The following NDUFS1 variants were observed in gnomAD, a reference collection of about 807,000 sequenced individuals.
The protein encoded by NDUFS1 is NADH-ubiquinone oxidoreductase 75 kDa subunit, mitochondrial.
In NDUFS1, 61 loss-of-function variants were observed where a neutral mutation model predicts 84.4. The ratio of observed to expected loss-of-function variants is 0.72; its 90% confidence interval spans 0.59 to 0.89. The LOEUF (loss-of-function observed/expected upper bound fraction) is 0.89. Ranked by LOEUF, NDUFS1 falls within the 40% of genes least tolerant of loss-of-function variation. The pLI, the probability that NDUFS1 is intolerant of heterozygous loss-of-function variation, is 0.00. For missense variants in NDUFS1, 891 were observed against 890.0 expected (o/e 1.00, Z -0.01); for synonymous variants, 275 against 290.0 (o/e 0.95, Z 0.53).
rs200446477 is a variant in NDUFS1, at chr2:206,124,091, AT to A, written c.*93del. 3.0e-4 allele frequency: 242 copies of A among 798,872 alleles called. No individual in the cohort carries two copies. Among genetic ancestry groups the A allele is most frequent in the Non-Finnish European group, 3.5e-4 (168 of 473,642 alleles). 49.5% of individuals were successfully genotyped at this position (798,872 alleles called of 1,614,324 possible). ...ATATTACATGATTCAAATTATTATT[AT>A]TTTTTTTTACAAAGAAATAAACCTG... On this transcript the variant is annotated 3_prime_UTR_variant, in exon 19 of 19. Coordinates refer to ENST00000233190, the MANE Select transcript of NDUFS1 (RefSeq NM_005006.7).
At chr2:206,134,648 C>G (rs1390100710) in intron 13 of NDUFS1, among the ~76,000 whole-genome samples, 3 of 151,552 alleles carry the variant, frequency 2.0e-5, no homozygotes, top group Non-Finnish European at 4.4e-5. Flanking sequence ...AGACAGGGTA[C>G]AGGATACAAA....
chr2:206,159,029 G>A lies in NDUFS1; in HGVS notation c.-5+312C>T, dbSNP rs528977831. ...TGGTCCTCTCCCGGGGAATAAAACGGCCTCCTCCTCTGAGAGGGAAATGTC... is the reference window on the plus strand; with the variant it reads ...TGGTCCTCTCCCGGGGAATAAAACGACCTCCTCCTCTGAGAGGGAAATGTC... On this transcript the variant is annotated intron_variant, in intron 1 of 18. Transcript: ENST00000233190. The A allele has an allele frequency of 5.1e-5, 76 of 1,503,732 alleles. No homozygotes were observed. The East Asian group carries it at 1.1e-3, about 22-fold the overall frequency. The allele number at this position is 1,503,732 out of a possible 1,614,324, so 93.1% of individuals were successfully genotyped here. A position where few individuals can be genotyped will look rare whatever the true frequency, so the allele number is the denominator to read the frequency against.
chr2:206,119,807 A>G lies in NDUFS1; in HGVS notation c.*4378T>C, dbSNP rs1691046229. The G allele has an allele frequency of 6.6e-6, 1 of 151,924 alleles. No individual in the cohort carries two copies. The highest frequency in any genetic ancestry group is 1.5e-5 in the Non-Finnish European group (1 of 68,004). 9.4% of individuals were successfully genotyped at this position (151,924 alleles called of 1,614,324 possible). On this transcript the variant is annotated 3_prime_UTR_variant, in exon 19 of 19. Transcript: ENST00000233190. ...CATATGGAATTCAAGATATTTTTGGATATATATTCAACTTTTTTTTTTAAG... is the reference window on the plus strand; with the variant it reads ...CATATGGAATTCAAGATATTTTTGGGTATATATTCAACTTTTTTTTTTAAG...
chr2:206,116,456 G>A lies in NDUFS1; in HGVS notation c.*7729C>T. On this transcript the variant is annotated 3_prime_UTR_variant, in exon 19 of 19. Transcript: ENST00000233190. Reference sequence around the variant, plus strand: ...CGGCAGGTGCCAGGACCACGTGCAGGCTGCAGAGCACGGCCCGCACGCTCC... The same window carrying A: ...CGGCAGGTGCCAGGACCACGTGCAGACTGCAGAGCACGGCCCGCACGCTCC... The A allele has an allele frequency of 2.9e-6, 3 of 1,041,148 alleles. No homozygotes were observed. Among genetic ancestry groups the A allele is most frequent in the Non-Finnish European group, 4.3e-6 (3 of 693,750 alleles). 64.5% of individuals were successfully genotyped at this position (1,041,148 alleles called of 1,614,324 possible).
At chr2:206,142,180 T>C (rs1392955548) in intron 11 of NDUFS1, 111 bp from the exon 12 acceptor site, 1 of 889,700 alleles carries the variant, frequency 1.1e-6, no homozygotes, top group East Asian at 2.7e-5. Flanking sequence ...CAAAAAATTT[T>C]ATGAAGTATT....
At chr2:206,159,257 C>T in intron 1 of NDUFS1, 84 bp downstream of exon 1, 1 of 928,696 alleles carries the variant, frequency 1.1e-6, no homozygotes, top group South Asian at 1.4e-5. Context: ...AAGACTACGT[C>T]GCGTGGGCCA....
chr2:206,128,105 G>A (rs1691363859), intron 15 of NDUFS1, 133 bp from the exon 16 acceptor site: 3 of 910,298 alleles, frequency 3.3e-6, no homozygotes, highest in Admixed American at 4.4e-5. Context: ...AAATGAAACA[G>A]TAGTGAAGTA....
Position 206,124,059 on chromosome 2 carries a change from A to C in NDUFS1, c.*126T>G. 1 of 713,038 alleles carries C rather than the reference A, an allele frequency of 1.4e-6. No individual in the cohort carries two copies. The highest frequency in any genetic ancestry group is 2.4e-6 in the Non-Finnish European group (1 of 411,384). The allele number at this position is 713,038 out of a possible 1,614,324, so 44.2% of individuals were successfully genotyped here. A position where few individuals can be genotyped will look rare whatever the true frequency, so the allele number is the denominator to read the frequency against. On this transcript the variant is annotated 3_prime_UTR_variant, in exon 19 of 19. Transcript: ENST00000233190. The stretch of plus-strand genomic sequence containing the variant: ...ATCATTTTCAAATAGGCATAGTATA[A>C]CCTTAAATATTACATGATTCAAATT...
intron 18 of NDUFS1, 143 bp downstream of exon 18, chr2:206,126,396 C>A (rs1036623143): frequency 1.2e-6 from 1 of 807,566 alleles, no homozygotes; most frequent in Non-Finnish European, 2.1e-6. Flanking sequence ...AATATGCTTA[C>A]GTTAGTTCCA....
intron 12 of NDUFS1, among the ~76,000 whole-genome samples, chr2:206,139,113 C>T (rs1691834589): frequency 6.7e-6 from 1 of 149,804 alleles, no homozygotes; most frequent in South Asian, 2.1e-4. Context: ...CAAAACTCCA[C>T]CTCAAAATAA....
chr2:206,124,365 A>G (rs1318648388), intron 18 of NDUFS1, 89 bp from the exon 19 acceptor site: 11 of 982,198 alleles, frequency 1.1e-5, no homozygotes, highest in Non-Finnish European at 1.8e-5. Flanking sequence ...ATTCAGGAGG[A>G]AAAAAGATTA....
Position 206,127,810 on chromosome 2 carries a change from C to T in NDUFS1, c.1871G>A (p.Arg624Lys). 1 of 1,614,052 alleles carries T rather than the reference C, an allele frequency of 6.2e-7. No homozygotes were observed. The highest frequency in any genetic ancestry group is 8.5e-7 in the Non-Finnish European group (1 of 1,179,980). The change falls in exon 16 of 19, where the codon AGA becomes AAA. Residue 624 changes from arginine to lysine, a missense_variant. Coordinates refer to ENST00000233190, the MANE Select transcript of NDUFS1 (RefSeq NM_005006.7). ...GLAREDWKII[R>K]ALSEIAGMTL... Reference sequence around the variant, plus strand: ...CAGAAATTATACCTCAGAGAGTGCTCTTATAATTTTCCAGTCTTCTCTTGC... The same window carrying T: ...CAGAAATTATACCTCAGAGAGTGCTTTTATAATTTTCCAGTCTTCTCTTGC...
At position 206,115,884 on chromosome 2, in the gene NDUFS1, CCTAGT is replaced by C; in HGVS notation, c.*8296_*8300del. 1.8e-6 allele frequency: 1 copy of C among 556,522 alleles called. No homozygotes were observed. The highest frequency in any genetic ancestry group is 1.9e-5 in the South Asian group (1 of 51,682). 34.5% of individuals were successfully genotyped at this position (556,522 alleles called of 1,614,324 possible). A position where few individuals can be genotyped will look rare whatever the true frequency, so the allele number is the denominator to read the frequency against. Reference sequence around the variant, plus strand: ...ATGGATAATTTCATGAATACTAGAGCCTAGTCTAAAAATCATAGGATGTTGTGAAA... The same window carrying C: ...ATGGATAATTTCATGAATACTAGAGCCTAAAAATCATAGGATGTTGTGAAA... On this transcript the variant is annotated 3_prime_UTR_variant, in exon 19 of 19. Transcript: ENST00000233190.
chr2:206,136,466 C>T (rs1414386944), intron 13 of NDUFS1, among the ~76,000 whole-genome samples: 5 of 147,626 alleles, frequency 3.4e-5, no homozygotes, highest in African/African-American at 1.3e-4. Context: ...TGGAGTCTCG[C>T]TCTGTCGCCC....
At chr2:206,127,207 C>G (rs1691325936) in intron 16 of NDUFS1, among the ~76,000 whole-genome samples, 1 of 152,132 alleles carries the variant, frequency 6.6e-6, no homozygotes, top group Admixed American at 6.5e-5. Context: ...TATTTTCAGG[C>G]AAAAGACAAG....
rs10797 is a variant in NDUFS1 at position 206,119,908 on chromosome 2, C to T, written c.*4277G>A. Reference sequence around the variant, plus strand: ...CAAATCTCATGTTGAAATGTAACCCCCAATGCTGGAGGTAGGGCCTCGTGG... The same window carrying T: ...CAAATCTCATGTTGAAATGTAACCCTCAATGCTGGAGGTAGGGCCTCGTGG... On this transcript the variant is annotated 3_prime_UTR_variant, in exon 19 of 19. Coordinates refer to ENST00000233190, the MANE Select transcript of NDUFS1 (RefSeq NM_005006.7). The T allele has an allele frequency of 0.34, 51,172 of 151,630 alleles. 9,055 individuals are homozygous for T. The highest frequency in any genetic ancestry group is 0.44 in the African/African-American group (18,209 of 41,326). 9.4% of individuals were successfully genotyped at this position (151,630 alleles called of 1,614,324 possible).
rs778041855 is a variant in NDUFS1, at chr2:206,132,417, C to G, written c.1553+528G>C. ...TGGGCAACATAGTGAGACTTTATCT[C>G]TACAAAAACAAAAAATTAGCTGGGC... On this transcript the variant is annotated intron_variant, in intron 14 of 18. Transcript: ENST00000233190. 5.0e-4 allele frequency among the ~76,000 whole-genome samples: 76 copies of G among 152,126 alleles called. 1 individual carries two copies. The highest frequency in any genetic ancestry group is 1.0e-3 in the Non-Finnish European group (69 of 67,990).
Position 206,115,595 on chromosome 2 carries a change from C to T in NDUFS1, c.*8590G>A, listed in dbSNP as rs954976954. ...GTGAGTATTTTATTATTTTGCTGTA[C>T]AGCTGTTGCTTCACTATATAAAAAC... On this transcript the variant is annotated 3_prime_UTR_variant, in exon 19 of 19. Transcript: ENST00000233190. 2 of 214,314 alleles carry T rather than the reference C, an allele frequency of 9.3e-6. No homozygotes were observed. The highest frequency in any genetic ancestry group is 4.8e-5 in the African/African-American group (2 of 42,030). The allele number at this position is 214,314 out of a possible 1,614,324, so 13.3% of individuals were successfully genotyped here.
intron 3 of NDUFS1, 71 bp from the exon 4 acceptor site, chr2:206,149,996 A>C (rs1049953158): frequency 1.0e-6 from 1 of 978,528 alleles, no homozygotes; most frequent in African/African-American, 1.7e-5. Context: ...GTTATTGCTG[A>C]AACACACACA....
Sources: gnomAD v4.1 joint callset for allele counts (sites outside exome capture counted in the v4.1 genomes callset) on GRCh38, gnomAD v4.1.1 for gene constraint, MANE v1.5 for transcripts, NCBI Gene and HGNC (gene_info 2026-07-23, HGNC 2026-07-21) for gene names.